Variants in THADA observed in about 807,000 individuals in gnomAD.
THADA encodes the protein THADA armadillo repeat containing, also known as tRNA (32-2'-O)-methyltransferase regulator THADA.
Under a neutral mutation model 219.8 loss-of-function variants are expected in THADA, and 213 were observed. The ratio of observed to expected loss-of-function variants is 0.97; its 90% CI spans 0.87 to 1.09. THADA has a LOEUF of 1.09. THADA is among the 50% of genes least tolerant of loss of function. The pLI is 0.00. For missense variants in THADA, 2,956 were observed against 2,311.3 expected, an observed-to-expected ratio of 1.28 and a Z score of -5.72; for synonymous variants, 1,018 against 828.9, an observed-to-expected ratio of 1.23 and a Z score of -3.92.
intron 4 of THADA, 100 bp downstream of exon 4, chr2:43,590,724 C>G (rs111491380): frequency 1.7e-6 from 2 of 1,206,662 alleles, no homozygotes; most frequent in Non-Finnish European, 2.3e-6. Context: ...TTTTTGTGAT[C>G]TGTATCAGTT....
intron 28 of THADA, among the ~76,000 whole-genome samples, chr2:43,427,872 C>T (rs912591716): frequency 5.9e-4 from 88 of 149,658 alleles, no homozygotes; most frequent in East Asian, 1.4e-3. Flanking sequence ...AGAAGAATGG[C>T]GTGAACCTGG....
intron 20 of THADA, among the ~76,000 whole-genome samples, chr2:43,548,838 C>T (rs926092907): frequency 3.3e-5 from 5 of 152,232 alleles, no homozygotes; most frequent in East Asian, 1.9e-4. Flanking sequence ...GGCAATGCCT[C>T]GCCCTGCTTC....
intron 34 of THADA, among the ~76,000 whole-genome samples, chr2:43,287,578 TG>T (rs1410458322): frequency 4.6e-5 from 7 of 152,192 alleles, no homozygotes; most frequent in African/African-American, 1.7e-4. Flanking sequence ...ATTACAGACA[TG>T]AGCCACTGCT....
At chr2:43,548,678 C>T (rs568337866) in intron 20 of THADA, among the ~76,000 whole-genome samples, 31 of 152,308 alleles carry the variant, frequency 2.0e-4, no homozygotes, top group Middle Eastern at 3.4e-3. Context: ...GAGCCAGGTG[C>T]GGGATATAAT....
At chr2:43,240,729 T>C (rs966359981) in intron 36 of THADA, among the ~76,000 whole-genome samples, 1 of 152,198 alleles carries the variant, frequency 6.6e-6, no homozygotes, top group African/African-American at 2.4e-5. Flanking sequence ...GTCAGTGTCC[T>C]AAGGAATGGA....
At chr2:43,417,037 C>CTTTTTTTTTT (rs67993873) in intron 28 of THADA, among the ~76,000 whole-genome samples, 30 of 93,772 alleles carry the variant, frequency 3.2e-4, no homozygotes, top group African/African-American at 5.5e-4. Context: ...TGGCTGTTTT[C>CTTTTTTTTTT]TTTTTTTTTT....
At chr2:43,431,703 C>T (rs1226924115) in intron 26 of THADA, among the ~76,000 whole-genome samples, 33 of 29,452 alleles carry the variant, frequency 1.1e-3, no homozygotes, top group African/African-American at 3.3e-3. Context: ...CTCGCTCTGT[C>T]GCCCAGGCTG....
chr2:43,335,028 A>T (rs1011647527), intron 30 of THADA, among the ~76,000 whole-genome samples: 3 of 152,076 alleles, frequency 2.0e-5, no homozygotes, highest in African/African-American at 4.8e-5. Flanking sequence ...GACTGTTTCA[A>T]ATGGGGGAGT....
At chr2:43,506,426 CATGG>C (rs1223290223) in intron 23 of THADA, among the ~76,000 whole-genome samples, 1 of 152,130 alleles carries the variant, frequency 6.6e-6, no homozygotes, top group Non-Finnish European at 1.5e-5. Flanking sequence ...TATATTACAA[CATGG>C]ATGAACTCTG....
chr2:43,400,904 A>G (rs1198892612), intron 28 of THADA, among the ~76,000 whole-genome samples: 2 of 152,184 alleles, frequency 1.3e-5, no homozygotes, highest in Admixed American at 6.5e-5. Context: ...CAACATGTTG[A>G]TAATATGAAG....
intron 29 of THADA, among the ~76,000 whole-genome samples, chr2:43,378,763 G>T (rs1671665500): frequency 6.6e-6 from 1 of 152,062 alleles, no homozygotes; most frequent in Non-Finnish European, 1.5e-5. Flanking sequence ...CCAACACCAT[G>T]CCTGGCTAAT....
At chr2:43,312,087 C>T (rs536603817) in intron 31 of THADA, among the ~76,000 whole-genome samples, 23 of 152,140 alleles carry the variant, frequency 1.5e-4, no homozygotes, top group Admixed American at 5.9e-4. Flanking sequence ...GGCATAGTGG[C>T]ATGCGCCTGT....
At chr2:43,572,700 C>G in intron 12 of THADA, 114 bp downstream of exon 12, 1 of 861,286 alleles carries the variant, frequency 1.2e-6, no homozygotes, top group Non-Finnish European at 1.7e-6. Context: ...TCTACTCATT[C>G]TCTTTATGAA....
intron 30 of THADA, among the ~76,000 whole-genome samples, chr2:43,339,919 C>T (rs1447290551): frequency 6.6e-6 from 1 of 151,794 alleles, no homozygotes; most frequent in African/African-American, 2.4e-5. Flanking sequence ...CACAGCCAGA[C>T]CTCATCTCTA....
intron 36 of THADA, among the ~76,000 whole-genome samples, chr2:43,267,790 T>C (rs1671689859): frequency 6.6e-6 from 1 of 152,160 alleles, no homozygotes; most frequent in South Asian, 2.1e-4. Context: ...GTCTACTGAG[T>C]GCTCTGTGTG....
At chr2:43,478,062 C>A (rs1685748479) in intron 26 of THADA, among the ~76,000 whole-genome samples, 1 of 152,170 alleles carries the variant, frequency 6.6e-6, no homozygotes, top group African/African-American at 2.4e-5. Flanking sequence ...TCTCACATTT[C>A]CTAAACTAGT....
At chr2:43,250,203 A>G (rs974573676) in intron 36 of THADA, among the ~76,000 whole-genome samples, 6 of 152,222 alleles carry the variant, frequency 3.9e-5, no homozygotes, top group African/African-American at 1.4e-4. Flanking sequence ...AGATCCATAC[A>G]ATGGACCATT....
intron 21 of THADA, among the ~76,000 whole-genome samples, chr2:43,531,539 G>C (rs1049657721): frequency 2.6e-5 from 4 of 152,192 alleles, no homozygotes; most frequent in Non-Finnish European, 4.4e-5. Flanking sequence ...ATGAGCAGCT[G>C]AACAGAGAAG....
At chr2:43,486,004 A>G (rs532642450) in intron 25 of THADA, among the ~76,000 whole-genome samples, 1 of 152,272 alleles carries the variant, frequency 6.6e-6, no homozygotes, top group Non-Finnish European at 1.5e-5. Context: ...GGATTGCATA[A>G]GGCCAGGAGT....
Sources: gnomAD v4.1 joint callset for allele counts (sites outside exome capture counted in the v4.1 genomes callset) on GRCh38, gnomAD v4.1.1 for gene constraint, MANE v1.5 for transcripts, NCBI Gene and HGNC (gene_info 2026-07-23, HGNC 2026-07-21) for gene names.